The following AACS variants were observed in gnomAD, a reference collection of about 807,000 sequenced individuals.
The protein encoded by AACS is acetoacetyl-CoA synthetase, also known as acetoacetate-CoA ligase.
AACS carries 69 observed loss-of-function variants against 83.1 expected under a neutral mutation model. The observed-to-expected ratio is 0.83, with a 90% CI of 0.68 to 1.01. The LOEUF (loss-of-function observed/expected upper bound fraction) is 1.01, where lower values mean the gene tolerates loss of function less well. AACS is among the 50% of genes least tolerant of loss of function. The pLI is 0.00. For missense variants in AACS, 866 were observed against 882.2 expected (o/e 0.98, Z 0.23); for synonymous variants, 333 against 343.4 (o/e 0.97, Z 0.33).
chr12:125,077,208 A>G (rs1232589554), intron 3 of AACS, among the ~76,000 whole-genome samples: 1 of 151,350 alleles, frequency 6.6e-6, no homozygotes, highest in South Asian at 2.1e-4. Flanking sequence ...GAGCCACTGC[A>G]CCCGGCCCCT....
intron 12 of AACS, chr12:125,126,362 A>C (rs946244443): frequency 6.6e-6 from 1 of 152,166 alleles, no homozygotes; most frequent in Non-Finnish European, 1.5e-5. Flanking sequence ...AGGTGTCCTC[A>C]TGGCTGCCGT....
At chr12:125,101,189 A>C (rs1335039775) in intron 5 of AACS, 1 of 152,226 alleles carries the variant, frequency 6.6e-6, no homozygotes, top group African/African-American at 2.4e-5. Flanking sequence ...GCCTTGTCTG[A>C]GAGTGCTTTA....
intron 15 of AACS, 64 bp from the exon 16 acceptor site, chr12:125,134,730 G>A (rs1957376630): frequency 2.5e-6 from 4 of 1,592,892 alleles, no homozygotes; most frequent in Non-Finnish European, 3.4e-6. Context: ...CCCTCCCGTG[G>A]GACCCCTGGG....
At chr12:125,074,840 T>A (rs1955978082) in intron 2 of AACS, among the ~76,000 whole-genome samples, 1 of 151,524 alleles carries the variant, frequency 6.6e-6, no homozygotes, top group African/African-American at 2.4e-5. Context: ...ATTTTTGTAT[T>A]TTTAGTAGAG....
intron 10 of AACS, chr12:125,121,970 G>C (rs1957159995): frequency 6.6e-6 from 1 of 152,660 alleles, no homozygotes; most frequent in African/African-American, 2.4e-5. Context: ...GTAAGGAAAA[G>C]ACAGAGGCCA....
rs1166356226 is a variant in AACS at position 125,142,375 on chromosome 12, T to A, written c.*146T>A. 8.4e-7 allele frequency: 1 copy of A among 1,191,492 alleles called. No homozygotes were observed. Among genetic ancestry groups the A allele is most frequent in the Non-Finnish European group, 1.1e-6 (1 of 870,666 alleles). The allele number at this position is 1,191,492 out of a possible 1,614,324, so 73.8% of individuals were successfully genotyped here. On this transcript the variant is annotated 3_prime_UTR_variant, in exon 18 of 18. Coordinates refer to ENST00000316519, the MANE Select transcript of AACS (RefSeq NM_023928.5). ...GGCTTGGGGAGGGATCGTTTCTCTG[T>A]TTTGTTAAATCTGGTGGGTACCTGG...
In AACS at chr12:125,102,766, A is replaced by G; in HGVS notation, c.658A>G (p.Met220Val). The change falls in exon 6 of 18, where the codon ATG becomes GTG. Residue 220 changes from methionine to valine, a missense_variant. Coordinates refer to ENST00000316519, the MANE Select transcript of AACS (RefSeq NM_023928.5). ...CTATAATGGCAAAGAGCACAACCAC[A>G]TGGAAAAGCTGCAGCAGGTGGTTAA... is the stretch of plus-strand genomic sequence containing the variant. Reference protein sequence around the residue: ...VVYNGKEHNHMEKLQQVVKGL... With the variant: ...VVYNGKEHNHVEKLQQVVKGL... 4.3e-6 allele frequency: 7 copies of G among 1,614,054 alleles called. No homozygotes were observed. Among genetic ancestry groups the G allele is most frequent in the Non-Finnish European group, 5.1e-6 (6 of 1,179,990 alleles).
At chr12:125,074,148 A>T (rs1401066148) in intron 2 of AACS, among the ~76,000 whole-genome samples, 169 bp downstream of exon 2, 1 of 152,184 alleles carries the variant, frequency 6.6e-6, no homozygotes, top group Non-Finnish European at 1.5e-5. Context: ...CCTCATCGAG[A>T]ACTTTGCAGC....
At chr12:125,102,112 C>A (rs867542628) in intron 5 of AACS, 1 of 151,538 alleles carries the variant, frequency 6.6e-6, no homozygotes, top group South Asian at 2.1e-4. Flanking sequence ...CTCGGTTGCC[C>A]AGGCTGGAGT....
At chr12:125,141,317 CCT>C (rs1297430227) in intron 17 of AACS, 1 of 152,720 alleles carries the variant, frequency 6.5e-6, no homozygotes, top group Non-Finnish European at 1.5e-5. Flanking sequence ...TCTGGAGGGC[CCT>C]CTCGAGGCCA....
At chr12:125,084,099 C>G (rs60475164) in intron 3 of AACS, among the ~76,000 whole-genome samples, 152,196 of 152,196 alleles carry the variant, frequency 1, 76,098 homozygotes, top group Non-Finnish European at 1. Context: ...AGTTCGAGGT[C>G]ACTGGATCAC....
At chr12:125,110,024 C>CTT (rs71306290) in intron 8 of AACS, among the ~76,000 whole-genome samples, 24 of 146,108 alleles carry the variant, frequency 1.6e-4, no homozygotes, top group Admixed American at 4.8e-4. Context: ...TGGTGCTTTG[C>CTT]TTTTTTTTTT....
chr12:125,118,265 C>T (rs1023840777), intron 9 of AACS: 1 of 226,520 alleles, frequency 4.4e-6, no homozygotes, highest in African/African-American at 2.3e-5. Context: ...TGGCTGCTGT[C>T]ATACTGCTGG....
Position 125,124,710 on chromosome 12 carries a change from C to T in AACS, c.1127C>T (p.Thr376Ile). The T allele has an allele frequency of 1.9e-6, 3 of 1,614,036 alleles. No homozygotes were observed. Among genetic ancestry groups the T allele is most frequent in the Non-Finnish European group, 2.5e-6 (3 of 1,180,048 alleles). The part of the protein sequence containing the change: ...LWDLVDRIGI[T>I]VLVTGAKWLS... ...CTTTCCCGCCTGCACCCTAGCATCA[C>T]TGTCCTGGTAACTGGGGCCAAGTGG... The change falls in exon 11 of 18, where the codon ACT becomes ATT. Residue 376 changes from threonine to isoleucine, a missense_variant. Physicochemically the swap from Thr to Ile is moderately conservative, Grantham distance 89 (BLOSUM62 -1). Transcript: ENST00000316519.
intron 7 of AACS, among the ~76,000 whole-genome samples, chr12:125,106,530 C>T (rs552320252): frequency 1.3e-5 from 2 of 152,218 alleles, no homozygotes; most frequent in East Asian, 1.9e-4. Flanking sequence ...ATTTGCTGAG[C>T]GGTTCTCTGT....
intron 8 of AACS, among the ~76,000 whole-genome samples, chr12:125,112,296 C>T (rs1019545504): frequency 1.3e-5 from 2 of 152,114 alleles, no homozygotes; most frequent in Non-Finnish European, 1.5e-5. Flanking sequence ...TGTTAAACTC[C>T]ACCCTGCAGC....
chr12:125,116,485 A>G (rs528586501), intron 9 of AACS, among the ~76,000 whole-genome samples: 2 of 151,960 alleles, frequency 1.3e-5, no homozygotes, highest in South Asian at 4.2e-4. Flanking sequence ...ATTTTTTGAG[A>G]CGGAGGCTCA....
intron 4 of AACS, 69 bp downstream of exon 4, chr12:125,086,512 A>G: frequency 7.0e-7 from 1 of 1,422,278 alleles, no homozygotes; most frequent in Non-Finnish European, 9.9e-7. Flanking sequence ...TGTGAAGGTC[A>G]AGACGGCTTT....
intron 14 of AACS, among the ~76,000 whole-genome samples, chr12:125,131,655 G>A (rs1328779953): frequency 6.6e-6 from 1 of 151,852 alleles, no homozygotes; most frequent in South Asian, 2.1e-4. Flanking sequence ...TTTTTGACAC[G>A]GTATCTCGCT....
Sources: gnomAD v4.1 joint callset for allele counts (sites outside exome capture counted in the v4.1 genomes callset) on GRCh38, gnomAD v4.1.1 for gene constraint, MANE v1.5 for transcripts, NCBI Gene and HGNC (gene_info 2026-07-23, HGNC 2026-07-21) for gene names.